PDSS2: variants seen among roughly 807,000 people sequenced by gnomAD.
PDSS2 encodes decaprenyl diphosphate synthase subunit 2, also known as all trans-polyprenyl-diphosphate synthase PDSS2.
In PDSS2, 31 loss-of-function variants were observed where a neutral mutation model predicts 44.5. The observed-to-expected ratio is 0.70, with a 90% confidence interval of 0.52 to 0.94. PDSS2 has a LOEUF of 0.94. Among genes scored for constraint, PDSS2 ranks in the 40% least tolerant of loss-of-function variants. The pLI is 0.00. For synonymous variants in PDSS2, 157 were observed against 180.3 expected, an observed-to-expected ratio of 0.87 and a Z score of 1.03; for missense variants, 452 against 482.2, an observed-to-expected ratio of 0.94 and a Z score of 0.59.
chr6:107,281,992 A>C (rs1225200672), intron 2 of PDSS2, among the ~76,000 whole-genome samples: 1 of 151,574 alleles, frequency 6.6e-6, no homozygotes, highest in Non-Finnish European at 1.5e-5. Flanking sequence ...TGAAACCTCC[A>C]CCCCCTGGGT....
intron 1 of PDSS2, among the ~76,000 whole-genome samples, chr6:107,410,829 TCTTTC>T (rs779318689): frequency 5.3e-5 from 8 of 151,912 alleles, no homozygotes; most frequent in Non-Finnish European, 1.2e-4. Flanking sequence ...GTATATCTAT[TCTTTC>T]TTTTGTTTCC....
chr6:107,178,958 T>C (rs1287562422), intron 7 of PDSS2, among the ~76,000 whole-genome samples: 1 of 152,234 alleles, frequency 6.6e-6, no homozygotes, highest in Non-Finnish European at 1.5e-5. Flanking sequence ...TTAGGTTATT[T>C]GAGCTCTTCT....
chr6:107,247,199 A>T (rs1437789086), intron 3 of PDSS2, among the ~76,000 whole-genome samples: 1 of 152,214 alleles, frequency 6.6e-6, no homozygotes, highest in Non-Finnish European at 1.5e-5. Context: ...TCAATCACTC[A>T]CTAAGAAATG....
intron 6 of PDSS2, among the ~76,000 whole-genome samples, chr6:107,203,045 A>C (rs1772840689): frequency 6.6e-6 from 1 of 151,790 alleles, no homozygotes; most frequent in Non-Finnish European, 1.5e-5. Context: ...CAGTGTGACC[A>C]GGAAAAAAAA....
chr6:107,215,229 A>G (rs999318090), intron 4 of PDSS2, among the ~76,000 whole-genome samples: 14 of 152,114 alleles, frequency 9.2e-5, no homozygotes, highest in African/African-American at 2.7e-4. Flanking sequence ...AAAAATGTCC[A>G]GAATAAAATA....
rs144285484 is a variant in PDSS2 at position 107,242,474 on chromosome 6, G to A, written c.702+3074C>T. 5.6e-3 allele frequency among the ~76,000 whole-genome samples: 851 copies of A among 152,052 alleles called. 10 individuals carry two copies. Among genetic ancestry groups the A allele is most frequent in the African/African-American group, 0.018 (751 of 41,470 alleles). ...AGAGATGAGATGGTCTCGATCTCCC[G>A]ACCTCGTGATCCGCCTGCCTTGGCC... is the stretch of plus-strand genomic sequence containing the variant. On this transcript the variant is annotated intron_variant, in intron 4 of 7. Transcript: ENST00000369037.
intron 1 of PDSS2, among the ~76,000 whole-genome samples, chr6:107,416,075 G>A (rs1378730400): frequency 6.6e-6 from 1 of 152,182 alleles, no homozygotes; most frequent in East Asian, 1.9e-4. Flanking sequence ...GTTCTTACCA[G>A]GGAAGCAGGG....
At chr6:107,266,350 T>C (rs1223545469) in intron 3 of PDSS2, among the ~76,000 whole-genome samples, 1 of 151,952 alleles carries the variant, frequency 6.6e-6, no homozygotes, top group Non-Finnish European at 1.5e-5. Context: ...TGGGCATGGT[T>C]CTTAAGGTCT....
chr6:107,236,398 G>A (rs563583992), intron 4 of PDSS2, among the ~76,000 whole-genome samples: 2 of 151,762 alleles, frequency 1.3e-5, no homozygotes, highest in Non-Finnish European at 2.9e-5. Context: ...AACCTGGGAG[G>A]TGGAGGTTGC....
At chr6:107,316,304 T>A (rs1275517166) in intron 2 of PDSS2, among the ~76,000 whole-genome samples, 1 of 152,220 alleles carries the variant, frequency 6.6e-6, no homozygotes, top group Non-Finnish European at 1.5e-5. Context: ...TTTTCTGGTA[T>A]CTTATATGTC....
At chr6:107,384,949 T>A (rs562676593) in intron 1 of PDSS2, among the ~76,000 whole-genome samples, 1 of 152,302 alleles carries the variant, frequency 6.6e-6, no homozygotes, top group South Asian at 2.1e-4. Context: ...TACAAAAATA[T>A]CATAGTTCTA....
chr6:107,386,426 G>A (rs1297997667), intron 1 of PDSS2, among the ~76,000 whole-genome samples: 1 of 150,530 alleles, frequency 6.6e-6, no homozygotes, highest in African/African-American at 2.4e-5. Context: ...ATATTTAAGT[G>A]TTATCTGAAC....
rs201361243 is a variant in PDSS2 at position 107,170,606 on chromosome 6, AC to A, written c.1042-15830del. 5.7e-3 allele frequency among the ~76,000 whole-genome samples: 546 copies of A among 96,474 alleles called. 4 individuals carry two copies. The highest frequency in any genetic ancestry group is 0.015 in the South Asian group (37 of 2,404). 63.3% of individuals were successfully genotyped at this position (96,474 alleles called of 152,430 possible). On this transcript the variant is annotated intron_variant, in intron 7 of 7. Coordinates refer to ENST00000369037, the MANE Select transcript of PDSS2 (RefSeq NM_020381.4). Reference sequence around the variant, plus strand: ...GTTCTTATTCGGCCATCTTGGAACCACCCCCCCCCCCCCACTTTTTTTTTTC... The same window carrying A: ...GTTCTTATTCGGCCATCTTGGAACCACCCCCCCCCCCCACTTTTTTTTTTC...
intron 1 of PDSS2, among the ~76,000 whole-genome samples, chr6:107,364,049 T>C (rs1778876355): frequency 6.6e-6 from 1 of 152,174 alleles, no homozygotes; most frequent in Non-Finnish European, 1.5e-5. Context: ...AGCAGCTAGA[T>C]ACAGAGCGTC....
intron 2 of PDSS2, among the ~76,000 whole-genome samples, chr6:107,284,048 A>AAT (rs1776058480): frequency 6.7e-6 from 1 of 150,154 alleles, no homozygotes; most frequent in South Asian, 2.1e-4. Flanking sequence ...TAATAAAATA[A>AAT]AAATAAATAA....
At chr6:107,260,373 T>G (rs1217209376) in intron 3 of PDSS2, among the ~76,000 whole-genome samples, 1 of 152,178 alleles carries the variant, frequency 6.6e-6, no homozygotes, top group Non-Finnish European at 1.5e-5. Context: ...CTTTAAGAAT[T>G]TAAGAAAATG....
At chr6:107,314,217 T>TCACA (rs112547874) in intron 2 of PDSS2, among the ~76,000 whole-genome samples, 5 of 150,848 alleles carry the variant, frequency 3.3e-5, no homozygotes, top group Admixed American at 6.6e-5. Flanking sequence ...TGGAGATGAT[T>TCACA]CACACACACA....
chr6:107,302,549 T>A (rs1364289618), intron 2 of PDSS2, among the ~76,000 whole-genome samples: 1 of 152,148 alleles, frequency 6.6e-6, no homozygotes, highest in African/African-American at 2.4e-5. Context: ...ATTACAGGCA[T>A]AAGCCACAGT....
At chr6:107,374,769 T>G (rs1344885926) in intron 1 of PDSS2, among the ~76,000 whole-genome samples, 1 of 152,230 alleles carries the variant, frequency 6.6e-6, no homozygotes, top group African/African-American at 2.4e-5. Context: ...AGTCATGTTA[T>G]AGCCCTTTCA....
Sources: gnomAD v4.1 joint callset for allele counts (sites outside exome capture counted in the v4.1 genomes callset) on GRCh38, gnomAD v4.1.1 for gene constraint, MANE v1.5 for transcripts, NCBI Gene and HGNC (gene_info 2026-07-23, HGNC 2026-07-21) for gene names.